Variants in TENM2 observed in about 807,000 individuals in gnomAD.
TENM2 encodes the protein teneurin transmembrane protein 2.
In TENM2, 52 loss-of-function variants were observed where a neutral mutation model predicts 245.2. That is an observed-to-expected ratio of 0.21 (90% CI 0.17 to 0.27). The LOEUF (loss-of-function observed/expected upper bound fraction) is 0.27, where lower values mean the gene tolerates loss of function less well. Among genes scored for constraint, TENM2 ranks in the 10% least tolerant of loss-of-function variants. TENM2 has a pLI of 1.00. For synonymous variants in TENM2, 1,363 were observed against 1,438.9 expected, an observed-to-expected ratio of 0.95 and a Z score of 1.19; for missense variants, 3,046 against 3,666.8, an observed-to-expected ratio of 0.83 and a Z score of 4.37.
chr5:167,984,743 G>A (rs1279614174), intron 4 of TENM2, among the ~76,000 whole-genome samples: 3 of 152,208 alleles, frequency 2.0e-5, no homozygotes, highest in Non-Finnish European at 2.9e-5. Flanking sequence ...ACGCTTAAGC[G>A]ATCACCTAGT....
chr5:168,257,269 A>G (rs542847853), intron 27 of TENM2, among the ~76,000 whole-genome samples: 10 of 152,020 alleles, frequency 6.6e-5, no homozygotes, highest in Admixed American at 6.5e-4. Flanking sequence ...TAGGGATTGC[A>G]AGAGGTGGGG....
At chr5:168,195,325 T>G in intron 15 of TENM2, 30 bp downstream of exon 17, 1 of 1,559,734 alleles carries the variant, frequency 6.4e-7, no homozygotes, top group Non-Finnish European at 8.7e-7. Context: ...TCGGACCTAC[T>G]CAGGACCACA....
intron 2 of TENM2, among the ~76,000 whole-genome samples, chr5:167,747,446 A>T (rs1042118590): frequency 6.6e-6 from 1 of 152,182 alleles, no homozygotes; most frequent in Non-Finnish European, 1.5e-5. Flanking sequence ...CCATTAACCT[A>T]TGCTGAAAGA....
the TENM2 span, among the ~76,000 whole-genome samples, chr5:167,241,938 C>G: frequency 6.6e-6 from 1 of 151,600 alleles, no homozygotes; most frequent in Non-Finnish European, 1.5e-5. Context: ...TGAGATGAGA[C>G]TAAAATTCTC....
intron 1 of TENM2, among the ~76,000 whole-genome samples, chr5:167,370,167 C>A (rs1206246119): frequency 1.3e-5 from 2 of 151,818 alleles, no homozygotes; most frequent in African/African-American, 2.4e-5. Flanking sequence ...ACGGTGAAAC[C>A]CCGTCTCTAC....
chr5:168,012,600 A>G (rs1427348451), intron 5 of TENM2, among the ~76,000 whole-genome samples: 1 of 149,896 alleles, frequency 6.7e-6, no homozygotes, highest in Non-Finnish European at 1.5e-5. Context: ...ATGAGCCATG[A>G]TCATGCCACT....
At chr5:167,982,007 A>T (rs1483320208) in intron 4 of TENM2, among the ~76,000 whole-genome samples, 1 of 151,874 alleles carries the variant, frequency 6.6e-6, no homozygotes, top group African/African-American at 2.4e-5. Context: ...AAAAAAGAAA[A>T]AAAGAAAATC....
chr5:168,037,120 C>A (rs1362142349), intron 5 of TENM2, among the ~76,000 whole-genome samples: 1 of 152,132 alleles, frequency 6.6e-6, no homozygotes, highest in Non-Finnish European at 1.5e-5. Flanking sequence ...ATCCACTTAA[C>A]TTAAAACCAT....
intron 6 of TENM2, among the ~76,000 whole-genome samples, chr5:168,054,115 AT>A (rs1241527767): frequency 6.6e-6 from 1 of 152,236 alleles, no homozygotes; most frequent in Non-Finnish European, 1.5e-5. Context: ...AGAGTTGACT[AT>A]TTTTATCTAA....
At chr5:167,750,768 TC>T in intron 2 of TENM2, among the ~76,000 whole-genome samples, 1 of 152,254 alleles carries the variant, frequency 6.6e-6, no homozygotes, top group Admixed American at 6.5e-5. Flanking sequence ...CAGTGGTTTC[TC>T]CCCCAACCTC....
chr5:167,589,189 GA>G (rs1211696176), intron 2 of TENM2, among the ~76,000 whole-genome samples: 1 of 125,142 alleles, frequency 8.0e-6, no homozygotes, highest in African/African-American at 3.0e-5. Flanking sequence ...GCGACAGAGG[GA>G]GGCTGTCTCA....
At chr5:168,216,398 C>T (rs1340524133) in intron 21 of TENM2, among the ~76,000 whole-genome samples, 3 of 152,228 alleles carry the variant, frequency 2.0e-5, no homozygotes, top group Non-Finnish European at 4.4e-5. Context: ...TAACTTACTA[C>T]TAATAATGTT....
intron 2 of TENM2, among the ~76,000 whole-genome samples, chr5:167,637,328 G>T (rs988991863): frequency 2.6e-5 from 4 of 152,190 alleles, no homozygotes; most frequent in Non-Finnish European, 5.9e-5. Flanking sequence ...GTCCTTGAAG[G>T]TTGGGTAGGA....
At chr5:168,004,508 C>T (rs537461978) in intron 5 of TENM2, among the ~76,000 whole-genome samples, 10 of 76,652 alleles carry the variant, frequency 1.3e-4, no homozygotes, top group Non-Finnish European at 1.8e-4. Flanking sequence ...TGCACGCATG[C>T]GCGCGCGCGC....
chr5:167,099,343 CTGTT>C, the TENM2 span, among the ~76,000 whole-genome samples: 32 of 152,252 alleles, frequency 2.1e-4, no homozygotes, highest in Non-Finnish European at 2.8e-4. Flanking sequence ...ATAATTCTCA[CTGTT>C]TGGCTAATAA....
intron 2 of TENM2, among the ~76,000 whole-genome samples, chr5:167,519,866 T>C (rs1010785030): frequency 6.6e-6 from 1 of 152,194 alleles, no homozygotes. Context: ...CAAGAACCGA[T>C]GTCAAACTAA....
intron 1 of TENM2, among the ~76,000 whole-genome samples, chr5:167,370,897 GC>G (rs1760377042): frequency 1.3e-5 from 2 of 152,148 alleles, no homozygotes; most frequent in African/African-American, 4.8e-5. Flanking sequence ...TTCATTCAAA[GC>G]TGCCACAGAG....
intron 2 of TENM2, among the ~76,000 whole-genome samples, chr5:167,500,963 A>G (rs1161792001): frequency 6.6e-6 from 1 of 152,138 alleles, no homozygotes; most frequent in Non-Finnish European, 1.5e-5. Context: ...ATCTTTAGTA[A>G]GATTTTAAAG....
chr5:167,458,507 A>C (rs1334169169), intron 2 of TENM2, among the ~76,000 whole-genome samples: 3 of 149,722 alleles, frequency 2.0e-5, no homozygotes, highest in African/African-American at 7.3e-5. Flanking sequence ...AAAAAAAAAA[A>C]AAAAAAAAAG....
Sources: gnomAD v4.1 joint callset for allele counts (sites outside exome capture counted in the v4.1 genomes callset) on GRCh38, gnomAD v4.1.1 for gene constraint, MANE v1.5 for transcripts, NCBI Gene and HGNC (gene_info 2026-07-23, HGNC 2026-07-21) for gene names.